Variants in ROBO2 observed in about 807,000 individuals in gnomAD.
ROBO2 encodes the protein roundabout guidance receptor 2, also known as roundabout homolog 2.
ROBO2 carries 53 observed loss-of-function variants against 160.8 expected under a neutral mutation model. The observed-to-expected ratio is 0.33, with a 90% CI of 0.26 to 0.41. The LOEUF (loss-of-function observed/expected upper bound fraction) is 0.41. ROBO2 is among the 10% of genes least tolerant of loss of function. The pLI is 1.00. For missense variants in ROBO2, 1,577 were observed against 1,722.4 expected (o/e 0.92, Z 1.49); for synonymous variants, 664 against 611.7 (o/e 1.09, Z -1.26).
chr3:77,610,348 G>A (rs1324264080), intron 21 of ROBO2, among the ~76,000 whole-genome samples: 2 of 151,712 alleles, frequency 1.3e-5, no homozygotes, highest in Admixed American at 6.6e-5. Flanking sequence ...TTAGAGACCA[G>A]ACACTAACAT....
At chr3:76,407,669 G>T (rs2075278378) in intron 2 of ROBO2, among the ~76,000 whole-genome samples, 1 of 151,764 alleles carries the variant, frequency 6.6e-6, no homozygotes, top group Admixed American at 6.6e-5. Context: ...ATGAATAATG[G>T]GTAATAATCT....
At chr3:77,472,229 T>A (rs1185017547) in intron 2 of ROBO2, among the ~76,000 whole-genome samples, 2 of 152,092 alleles carry the variant, frequency 1.3e-5, no homozygotes, top group Non-Finnish European at 2.9e-5. Context: ...CAGGTCTAGT[T>A]CATGCTCAAG....
At chr3:77,324,109 A>G (rs1261743048) in intron 2 of ROBO2, among the ~76,000 whole-genome samples, 1 of 152,186 alleles carries the variant, frequency 6.6e-6, no homozygotes, top group Non-Finnish European at 1.5e-5. Context: ...ACTTTAGATT[A>G]ATGGTCACAG....
intron 2 of ROBO2, among the ~76,000 whole-genome samples, chr3:76,195,413 G>C (rs187031216): frequency 6.6e-6 from 1 of 152,240 alleles, no homozygotes; most frequent in East Asian, 1.9e-4. Context: ...ATTACATTAG[G>C]ATCAAATATA....
chr3:76,688,563 G>C (rs979609897), intron 2 of ROBO2, among the ~76,000 whole-genome samples: 1 of 151,188 alleles, frequency 6.6e-6, no homozygotes, highest in East Asian at 1.9e-4. Context: ...GGAAGGTAAT[G>C]AAAGTCTTTT....
At chr3:76,335,698 C>A (rs1327891320) in intron 2 of ROBO2, among the ~76,000 whole-genome samples, 1 of 151,954 alleles carries the variant, frequency 6.6e-6, no homozygotes. Context: ...CTGCCTCAGC[C>A]TCCCGAGCAG....
intron 1 of ROBO2, among the ~76,000 whole-genome samples, chr3:77,044,632 A>C (rs2149643924): frequency 6.6e-6 from 1 of 152,248 alleles, no homozygotes; most frequent in African/African-American, 2.4e-5. Context: ...TTGAATGATA[A>C]TTTAGAAAAT....
chr3:77,344,465 T>C (rs1284017113), intron 2 of ROBO2, among the ~76,000 whole-genome samples: 2 of 152,038 alleles, frequency 1.3e-5, no homozygotes, highest in African/African-American at 4.8e-5. Flanking sequence ...GGGATTAGTG[T>C]CCTTATAAAA....
At chr3:76,660,735 T>C (rs374900226) in intron 2 of ROBO2, among the ~76,000 whole-genome samples, 5 of 152,180 alleles carry the variant, frequency 3.3e-5, no homozygotes, top group African/African-American at 9.7e-5. Context: ...CCCTGAATAA[T>C]ACCAAGAGCC....
In ROBO2 at chr3:76,272,767, TA is replaced by T. The variant is rs1274554094; in HGVS notation, c.109+335166del. Among the ~76,000 whole-genome samples, 32 of 47,080 alleles carry T rather than the reference TA, an allele frequency of 6.8e-4. 2 individuals are homozygous for T. The highest frequency in any genetic ancestry group is 1.9e-3 in the African/African-American group (26 of 13,614). 30.9% of individuals were successfully genotyped at this position (47,080 alleles called of 152,430 possible). A position where few individuals can be genotyped will look rare whatever the true frequency, so the allele number is the denominator to read the frequency against. On this transcript the variant is annotated intron_variant, in intron 2 of 26. Coordinates refer to the ROBO2 transcript ENST00000487694. ...TCTCTATATATAAATATATAATATATATTTATATATAAAATATATAAAATAT... is the reference window on the plus strand; with the variant it reads ...TCTCTATATATAAATATATAATATATTTTATATATAAAATATATAAAATAT...
At chr3:76,419,020 C>T (rs1347187165) in intron 2 of ROBO2, among the ~76,000 whole-genome samples, 2 of 152,134 alleles carry the variant, frequency 1.3e-5, no homozygotes, top group Non-Finnish European at 2.9e-5. Context: ...GTTTTACAAA[C>T]TCTTGTATAT....
intron 2 of ROBO2, among the ~76,000 whole-genome samples, chr3:76,175,784 G>A (rs2073207034): frequency 6.6e-6 from 1 of 152,090 alleles, no homozygotes; most frequent in African/African-American, 2.4e-5. Context: ...AAAACCCATA[G>A]TAATACTTCC....
At chr3:76,250,188 T>G (rs917662511) in intron 2 of ROBO2, among the ~76,000 whole-genome samples, 6 of 152,134 alleles carry the variant, frequency 3.9e-5, no homozygotes, top group Admixed American at 3.9e-4. Context: ...AAAAGAAATT[T>G]TATAGTTACA....
At chr3:76,255,533 T>A (rs1054626585) in intron 2 of ROBO2, among the ~76,000 whole-genome samples, 21 of 152,038 alleles carry the variant, frequency 1.4e-4, no homozygotes, top group African/African-American at 5.1e-4. Flanking sequence ...AAATTTACAT[T>A]GTAAACATTG....
intron 2 of ROBO2, among the ~76,000 whole-genome samples, chr3:76,466,958 C>G (rs191778622): frequency 7.9e-4 from 120 of 152,060 alleles, no homozygotes; most frequent in African/African-American, 2.7e-3. Flanking sequence ...GCTGACATGT[C>G]ATGATGACAT....
chr3:77,060,602 G>A (rs886322981), intron 1 of ROBO2, among the ~76,000 whole-genome samples: 2 of 152,062 alleles, frequency 1.3e-5, no homozygotes, highest in Non-Finnish European at 2.9e-5. Context: ...TTGAAAAATA[G>A]CAAATGCAGA....
intron 2 of ROBO2, among the ~76,000 whole-genome samples, chr3:76,278,208 A>G (rs1325578156): frequency 6.6e-6 from 1 of 152,040 alleles, no homozygotes; most frequent in Non-Finnish European, 1.5e-5. Flanking sequence ...TCAGAAATGA[A>G]GAAAAACATT....
chr3:76,881,863 T>C (rs1166981), intron 2 of ROBO2, among the ~76,000 whole-genome samples: 99,177 of 152,062 alleles, frequency 0.65, 32,534 homozygotes, highest in Middle Eastern at 0.74. Context: ...CTGGTGGCTT[T>C]CATGCCTTCC....
chr3:76,046,892 C>G (rs1422307420), intron 2 of ROBO2, among the ~76,000 whole-genome samples: 1 of 152,154 alleles, frequency 6.6e-6, no homozygotes, highest in Non-Finnish European at 1.5e-5. Flanking sequence ...AATTTGTGCT[C>G]TGCCCTGACT....
Sources: allele counts gnomAD v4.1 joint callset (sites outside exome capture counted in the v4.1 genomes callset), GRCh38; gene constraint gnomAD v4.1.1; transcripts MANE v1.5; gene names NCBI Gene and HGNC (gene_info 2026-07-23, HGNC 2026-07-21).